The following WWTR1 variants were observed in gnomAD, a reference collection of about 807,000 sequenced individuals.
WWTR1 encodes the protein WW domain-containing transcription regulator protein 1.
In WWTR1, 13 loss-of-function variants were observed where a neutral mutation model predicts 40.1. The ratio of observed to expected loss-of-function variants is 0.32; its 90% CI spans 0.21 to 0.52. The LOEUF (loss-of-function observed/expected upper bound fraction) is 0.52, where lower values mean the gene tolerates loss of function less well. Among genes scored for constraint, WWTR1 ranks in the 20% least tolerant of loss-of-function variants. WWTR1 has a pLI of 0.97. For synonymous variants in WWTR1, 230 were observed against 210.1 expected, an observed-to-expected ratio of 1.09 and a Z score of -0.82; for missense variants, 436 against 523.1, an observed-to-expected ratio of 0.83 and a Z score of 1.63.
intron 2 of WWTR1, among the ~76,000 whole-genome samples, chr3:149,595,916 C>T (rs552762064): frequency 1.3e-5 from 2 of 152,014 alleles, no homozygotes; most frequent in Non-Finnish European, 2.9e-5. Flanking sequence ...ACCTGTAATC[C>T]CAGCTACTCG....
At chr3:149,674,401 A>T (rs557002511) in intron 1 of WWTR1, among the ~76,000 whole-genome samples, 1 of 151,978 alleles carries the variant, frequency 6.6e-6, no homozygotes, top group African/African-American at 2.4e-5. Flanking sequence ...AGCCTGGCCA[A>T]TATGGTGAAA....
chr3:149,672,612 T>G (rs1714129137), intron 1 of WWTR1, among the ~76,000 whole-genome samples: 1 of 152,056 alleles, frequency 6.6e-6, no homozygotes, highest in Non-Finnish European at 1.5e-5. Context: ...AACATTTTAT[T>G]AGAGATATAG....
At position 149,713,118 on chromosome 3, in the gene WWTR1, G is replaced by A. The variant is rs1715518866; in HGVS notation, n.584+4324C>T. ...GAGAGAAAAGGTAATACTCAGAAAAGAAAAGGGTCTAAAACTTATGATTTG... is the reference window on the plus strand; with the variant it reads ...GAGAGAAAAGGTAATACTCAGAAAAAAAAAGGGTCTAAAACTTATGATTTG... On this transcript the variant is annotated intron_variant and non_coding_transcript_variant, in intron 5 of 6. Transcript: ENST00000474080. 3.9e-5 allele frequency among the ~76,000 whole-genome samples: 6 copies of A among 152,154 alleles called. No individual in the cohort carries two copies. In the South Asian group the frequency reaches 1.2e-3, roughly 32 times the overall value.
intron 4 of WWTR1, among the ~76,000 whole-genome samples, chr3:149,532,793 G>A (rs558985041): frequency 6.6e-6 from 1 of 152,290 alleles, no homozygotes; most frequent in African/African-American, 2.4e-5. Context: ...ACCCTTGCGT[G>A]GGTAAAAATG....
rs1739463668 is a variant in WWTR1 at position 149,606,005 on chromosome 3, C to A, written c.432-33005G>T. Among the ~76,000 whole-genome samples, 3 of 152,112 alleles carry A rather than the reference C, an allele frequency of 2.0e-5. No homozygotes were observed. The South Asian group carries it at 6.2e-4, about 32-fold the overall frequency. On this transcript the variant is annotated intron_variant, in intron 2 of 6. Coordinates refer to ENST00000360632, the MANE Select transcript of WWTR1 (RefSeq NM_015472.6). The stretch of plus-strand genomic sequence containing the variant: ...AGGTAGTTAGATCATGGGGGCAGAG[C>A]CCACATGGAATGGGATTAAGGCCCT...
intron 2 of WWTR1, among the ~76,000 whole-genome samples, chr3:149,582,878 C>A (rs931310575): frequency 1.3e-5 from 2 of 152,166 alleles, no homozygotes; most frequent in African/African-American, 4.8e-5. Context: ...GTCTTTATTT[C>A]ACTTTTCTCC....
chr3:149,701,773 G>A (rs1236117000), intron 1 of WWTR1: 1 of 173,492 alleles, frequency 5.8e-6, no homozygotes, highest in Non-Finnish European at 1.2e-5. Flanking sequence ...TCAGATGTTT[G>A]GGGGGAAACA....
intron 3 of WWTR1, among the ~76,000 whole-genome samples, chr3:149,552,807 C>T (rs927621742): frequency 1.4e-4 from 21 of 152,200 alleles, no homozygotes; most frequent in African/African-American, 5.1e-4. Context: ...TTCTCCAGAG[C>T]CAAGTGTACG....
intron 3 of WWTR1, among the ~76,000 whole-genome samples, chr3:149,557,485 T>G (rs1283963273): frequency 6.6e-6 from 1 of 152,104 alleles, no homozygotes; most frequent in African/African-American, 2.4e-5. Flanking sequence ...AAAAACTACA[T>G]TTCTCTTCAA....
intron 1 of WWTR1, among the ~76,000 whole-genome samples, chr3:149,675,889 T>C (rs1263396470): frequency 6.6e-6 from 1 of 152,108 alleles, no homozygotes; most frequent in African/African-American, 2.4e-5. Flanking sequence ...AGCTAATTTT[T>C]TGTGTTTTTA....
intron 1 of WWTR1, chr3:149,657,564 C>A: frequency 2.0e-6 from 1 of 501,292 alleles, no homozygotes; most frequent in South Asian, 2.7e-5. Flanking sequence ...GAAGATAGGG[C>A]GAGGGGTGGA....
At chr3:149,643,282 A>G (rs572886680) in intron 2 of WWTR1, among the ~76,000 whole-genome samples, 1 of 152,162 alleles carries the variant, frequency 6.6e-6, no homozygotes, top group Non-Finnish European at 1.5e-5. Flanking sequence ...AATATTTGGA[A>G]CCATAAATTT....
Position 149,517,722 on chromosome 3 carries a change from C to T in WWTR1, c.*3083G>A, listed in dbSNP as rs1412262645. ...AATCAGTGAAAGAAATGGCATTTCACATCCTAAATAATACGGTGAAACACT... is the reference window on the plus strand; with the variant it reads ...AATCAGTGAAAGAAATGGCATTTCATATCCTAAATAATACGGTGAAACACT... On this transcript the variant is annotated 3_prime_UTR_variant, in exon 7 of 7. Transcript: ENST00000360632. The T allele has an allele frequency of 6.6e-6, 1 of 152,168 alleles. No homozygotes were observed. The highest frequency in any genetic ancestry group is 2.4e-5 in the African/African-American group (1 of 41,428). 9.4% of individuals were successfully genotyped at this position (152,168 alleles called of 1,614,324 possible).
intron 5 of WWTR1, among the ~76,000 whole-genome samples, chr3:149,714,746 G>A (rs1211840429): frequency 6.6e-6 from 1 of 152,230 alleles, no homozygotes; most frequent in Non-Finnish European, 1.5e-5. Context: ...GAAGCCTGGG[G>A]GCTGGGCTGC....
At chr3:149,548,296 T>C (rs1306015364) in intron 3 of WWTR1, among the ~76,000 whole-genome samples, 2 of 152,216 alleles carry the variant, frequency 1.3e-5, no homozygotes, top group African/African-American at 4.8e-5. Flanking sequence ...CCACAGCTCG[T>C]AGAGAAAGTG....
chr3:149,681,777 G>C (rs1420488060), intron 1 of WWTR1, among the ~76,000 whole-genome samples: 1 of 152,156 alleles, frequency 6.6e-6, no homozygotes, highest in Admixed American at 6.5e-5. Flanking sequence ...TGACAACATA[G>C]ATGAAACTTA....
chr3:149,667,317 G>T (rs1020830272), intron 2 of WWTR1, among the ~76,000 whole-genome samples: 1 of 152,016 alleles, frequency 6.6e-6, no homozygotes, highest in African/African-American at 2.4e-5. Flanking sequence ...GAGGCTGAGG[G>T]GGGGTGGATC....
intron 2 of WWTR1, among the ~76,000 whole-genome samples, chr3:149,637,812 G>T (rs186194649): frequency 6.6e-6 from 1 of 152,218 alleles, no homozygotes; most frequent in Non-Finnish European, 1.5e-5. Flanking sequence ...CAGGAGATGG[G>T]GCTGGCTAAG....
intron 5 of WWTR1, among the ~76,000 whole-genome samples, chr3:149,527,171 T>G (rs1164402784): frequency 6.7e-6 from 1 of 149,312 alleles, no homozygotes; most frequent in Non-Finnish European, 1.5e-5. Context: ...TTTTTTTTTT[T>G]GAGATGGAGT....
Sources: gnomAD v4.1 joint callset for allele counts (sites outside exome capture counted in the v4.1 genomes callset) on GRCh38, gnomAD v4.1.1 for gene constraint, MANE v1.5 for transcripts, NCBI Gene and HGNC (gene_info 2026-07-23, HGNC 2026-07-21) for gene names.